LCLAT1: variants seen among roughly 807,000 people sequenced by gnomAD.
The protein encoded by LCLAT1 is lysocardiolipin acyltransferase 1.
Under a neutral mutation model 30.7 loss-of-function variants are expected in LCLAT1, and 11 were observed. That is an observed-to-expected ratio of 0.36 (90% CI 0.23 to 0.59). LCLAT1 has a LOEUF of 0.59. Among genes scored for constraint, LCLAT1 ranks in the 20% least tolerant of loss-of-function variants. The pLI, the probability that LCLAT1 is intolerant of heterozygous loss-of-function variation, is 0.77. For missense variants in LCLAT1, 402 were observed against 458.6 expected (o/e 0.88, Z 1.13); for synonymous variants, 155 against 151.3 (o/e 1.02, Z -0.18).
At chr2:30,519,418 G>A (rs749953224) in intron 1 of LCLAT1, among the ~76,000 whole-genome samples, 1 of 152,094 alleles carries the variant, frequency 6.6e-6, no homozygotes, top group African/African-American at 2.4e-5. Flanking sequence ...CCCCTACTAT[G>A]CCCCAGTTCA....
intron 1 of LCLAT1, among the ~76,000 whole-genome samples, chr2:30,497,738 G>C (rs956426620): frequency 1.3e-5 from 2 of 151,964 alleles, no homozygotes; most frequent in Non-Finnish European, 2.9e-5. Context: ...TTGTTACTTT[G>C]TTTCTTATTA....
rs187892008 is a variant in LCLAT1 at position 30,559,362 on chromosome 2, A to T, written c.365-2784A>T. Among the ~76,000 whole-genome samples the T allele has an allele frequency of 7.3e-4, 111 of 152,310 alleles. No homozygotes were observed. The East Asian group carries it at 0.019, about 26-fold the overall frequency. On this transcript the variant is annotated intron_variant, in intron 3 of 5. Coordinates refer to ENST00000379509, the MANE Select transcript of LCLAT1 (RefSeq NM_001002257.3). ...AAGTTATACCTCTATAAAAATGTTTAAAAAACACCAACTCAGTCATTACCC... is the reference window on the plus strand; with the variant it reads ...AAGTTATACCTCTATAAAAATGTTTTAAAAACACCAACTCAGTCATTACCC...
intron 1 of LCLAT1, among the ~76,000 whole-genome samples, chr2:30,508,139 TTTCTC>T (rs1684764630): frequency 6.6e-6 from 1 of 152,108 alleles, no homozygotes; most frequent in Non-Finnish European, 1.5e-5. Flanking sequence ...TTAATGGGTT[TTTCTC>T]TTGTAAGTTT....
In LCLAT1 at chr2:30,568,104, C is replaced by T; in HGVS notation, c.556C>T (p.Leu186Phe). 1 of 1,608,484 alleles carries T rather than the reference C, an allele frequency of 6.2e-7. No individual in the cohort carries two copies. Among genetic ancestry groups the T allele is most frequent in the Non-Finnish European group, 8.5e-7 (1 of 1,176,790 alleles). Reference sequence around the variant, plus strand: ...TAATGCATTTGCTGAAAAAAATGGACTTCAGAAATATGAATATGTTTTACA... The same window carrying T: ...TAATGCATTTGCTGAAAAAAATGGATTTCAGAAATATGAATATGTTTTACA... ...RSNAFAEKNGLQKYEYVLHPR... is the reference protein window; with the variant it reads ...RSNAFAEKNGFQKYEYVLHPR... The change falls in exon 5 of 6, where the codon CTT becomes TTT. Residue 186 changes from leucine to phenylalanine, a missense_variant. Leu to Phe is a conservative substitution (Grantham distance 22, BLOSUM62 0). Transcript: ENST00000379509.
intron 1 of LCLAT1, among the ~76,000 whole-genome samples, chr2:30,495,109 C>T (rs568382764): frequency 5.8e-4 from 89 of 152,138 alleles, no homozygotes; most frequent in African/African-American, 2.1e-3. Flanking sequence ...AAGTAAAGTA[C>T]ACAGTGTTCT....
chr2:30,470,670 C>T (rs4952126), intron 1 of LCLAT1, among the ~76,000 whole-genome samples: 19,237 of 152,104 alleles, frequency 0.13, 1,347 homozygotes, highest in South Asian at 0.23. Flanking sequence ...TTACTGTAGC[C>T]TCTTAGTAAG....
At chr2:30,540,716 G>A (rs1207492073) in intron 3 of LCLAT1, among the ~76,000 whole-genome samples, 2 of 150,078 alleles carry the variant, frequency 1.3e-5, no homozygotes, top group Non-Finnish European at 3.0e-5. Context: ...CCAGGCTAGA[G>A]TGCAATGGCA....
chr2:30,461,131 G>A (rs369598151), intron 1 of LCLAT1, among the ~76,000 whole-genome samples: 1 of 152,196 alleles, frequency 6.6e-6, no homozygotes. Context: ...AGCCAAGTTG[G>A]ACATTAGTGT....
Position 30,495,649 on chromosome 2 carries a change from A to G in LCLAT1, c.-4-29938A>G, listed in dbSNP as rs114206536. Among the ~76,000 whole-genome samples the G allele has an allele frequency of 3.2e-3, 487 of 152,260 alleles. 3 individuals are homozygous for G. The highest frequency in any genetic ancestry group is 9.9e-3 in the African/African-American group (410 of 41,552). ...GTTGAGAACCACCAATGGAGCCTCAATCTTCTCATTTCATAGGTAAAGAAA... is the reference window on the plus strand; with the variant it reads ...GTTGAGAACCACCAATGGAGCCTCAGTCTTCTCATTTCATAGGTAAAGAAA... On this transcript the variant is annotated intron_variant, in intron 1 of 5. Coordinates refer to ENST00000379509, the MANE Select transcript of LCLAT1 (RefSeq NM_001002257.3).
chr2:30,456,893 C>T (rs1025701779), intron 1 of LCLAT1, among the ~76,000 whole-genome samples: 11 of 151,924 alleles, frequency 7.2e-5, no homozygotes, highest in African/African-American at 1.7e-4. Flanking sequence ...TTGCTGGAAG[C>T]GAAAGTTGGA....
intron 1 of LCLAT1, among the ~76,000 whole-genome samples, chr2:30,501,077 TG>T (rs1684357294): frequency 2.7e-5 from 2 of 72,904 alleles, no homozygotes; most frequent in African/African-American, 9.2e-5. Flanking sequence ...TGTTTTGTTC[TG>T]TGTGTGTGTG....
intron 3 of LCLAT1, among the ~76,000 whole-genome samples, chr2:30,557,878 A>T (rs1488870751): frequency 1.3e-5 from 2 of 152,216 alleles, no homozygotes; most frequent in Non-Finnish European, 2.9e-5. Context: ...TGCTTTTAAA[A>T]TGTTTTATTT....
intron 1 of LCLAT1, among the ~76,000 whole-genome samples, chr2:30,448,149 C>G (rs181018185): frequency 1.6e-4 from 24 of 152,318 alleles, no homozygotes; most frequent in African/African-American, 5.8e-4. Context: ...AACTGTGTTT[C>G]TTGTGTACAT....
At chr2:30,547,728 T>TG (rs11433847) in intron 3 of LCLAT1, among the ~76,000 whole-genome samples, 88,510 of 151,648 alleles carry the variant, frequency 0.58, 27,045 homozygotes, top group Non-Finnish European at 0.68. Context: ...CATAGTAGAG[T>TG]GGGAGATCCT....
intron 1 of LCLAT1, among the ~76,000 whole-genome samples, chr2:30,512,163 C>A (rs1684967880): frequency 6.6e-6 from 1 of 151,854 alleles, no homozygotes; most frequent in African/African-American, 2.4e-5. Flanking sequence ...ACTCTTCAGA[C>A]CTTTTTAGTT....
At chr2:30,609,278 C>T (rs935907207) in intron 5 of LCLAT1, among the ~76,000 whole-genome samples, 4 of 151,706 alleles carry the variant, frequency 2.6e-5, no homozygotes, top group African/African-American at 9.7e-5. Flanking sequence ...TATCTTACGA[C>T]CTATGCTCTT....
intron 1 of LCLAT1, among the ~76,000 whole-genome samples, chr2:30,478,586 G>T (rs1206579748): frequency 6.6e-6 from 1 of 152,120 alleles, no homozygotes; most frequent in Non-Finnish European, 1.5e-5. Flanking sequence ...GCTGAGACGG[G>T]AGGATCACTT....
At chr2:30,473,457 A>G (rs2148295789) in intron 1 of LCLAT1, among the ~76,000 whole-genome samples, 1 of 152,290 alleles carries the variant, frequency 6.6e-6, no homozygotes, top group South Asian at 2.1e-4. Flanking sequence ...CCGCATCTGG[A>G]ACATCCTCTT....
chr2:30,604,049 G>C (rs763381086), intron 5 of LCLAT1, among the ~76,000 whole-genome samples: 8 of 144,144 alleles, frequency 5.6e-5, no homozygotes, highest in Non-Finnish European at 1.2e-4. Flanking sequence ...AACTTACCAA[G>C]AATTATGATA....
Sources: allele counts gnomAD v4.1 joint callset (sites outside exome capture counted in the v4.1 genomes callset), GRCh38; gene constraint gnomAD v4.1.1; transcripts MANE v1.5; gene names NCBI Gene and HGNC (gene_info 2026-07-23, HGNC 2026-07-21).